SARDH: variants seen among roughly 807,000 people sequenced by gnomAD.
SARDH encodes sarcosine dehydrogenase.
A neutral mutation model predicts 109.1 loss-of-function variants in SARDH; 95 were observed. The observed-to-expected ratio is 0.87, with a 90% CI of 0.74 to 1.03. The LOEUF is 1.03. SARDH is among the 50% of genes least tolerant of loss of function. The pLI is 0.00. For missense variants in SARDH, 1,267 were observed against 1,287.8 expected (o/e 0.98, Z 0.25); for synonymous variants, 572 against 534.8 (o/e 1.07, Z -0.96).
chr9:133,712,717 G>A lies in SARDH; in HGVS notation c.1238-8C>T, dbSNP rs778668029. On this transcript the variant is annotated splice_polypyrimidine_tract_variant and splice_region_variant and intron_variant, in intron 9 of 20. Transcript: ENST00000439388. The surrounding 1 kb of genome is among the most constrained non-coding windows in gnomAD (Gnocchi z 4.1). ...CACCACCCAGCATCATTCCTGGCAGGAAGAGAAGCGCAGGGCTGCGGTCTG... is the reference window on the plus strand; with the variant it reads ...CACCACCCAGCATCATTCCTGGCAGAAAGAGAAGCGCAGGGCTGCGGTCTG... 3.7e-6 allele frequency: 6 copies of A among 1,606,548 alleles called. No individual in the cohort carries two copies. The highest frequency in any genetic ancestry group is 3.3e-5 in the Admixed American group (2 of 60,000).
chr9:133,732,452 G>T lies in SARDH; in HGVS notation c.481C>A (p.Arg161Ser). The change falls in exon 3 of 21, where the codon CGC becomes AGC. Residue 161 changes from arginine (R) to serine (S), a missense_variant. Transcript: ENST00000439388. ...ATGAGCCTCTTGTACTCGTCCAGGC[G>T]CTGCCGGTTGGACGCGATGAAGAGG... is the stretch of plus-strand genomic sequence containing the variant. ...GGLFIASNRQ[R>S]LDEYKRLMSL... 6.3e-7 allele frequency: 1 copy of T among 1,589,796 alleles called. No individual in the cohort carries two copies. The highest frequency in any genetic ancestry group is 1.7e-5 in the Admixed American group (1 of 59,034).
chr9:133,680,023 G>A (rs1387437524), intron 17 of SARDH, among the ~76,000 whole-genome samples: 1 of 152,170 alleles, frequency 6.6e-6, no homozygotes, highest in African/African-American at 2.4e-5. Context: ...TCAGGCCCAC[G>A]CTCCAGCCCA....
intron 10 of SARDH, among the ~76,000 whole-genome samples, chr9:133,711,505 A>G (rs930605491): frequency 6.6e-6 from 1 of 152,196 alleles, no homozygotes; most frequent in Non-Finnish European, 1.5e-5. Flanking sequence ...GCGCAGGCCC[A>G]GACGGGCTCT....
intron 17 of SARDH, among the ~76,000 whole-genome samples, chr9:133,683,888 T>C (rs1830787228): frequency 6.6e-6 from 1 of 152,114 alleles, no homozygotes; most frequent in Non-Finnish European, 1.5e-5. Flanking sequence ...AACGCGGCCG[T>C]GCACCCGCCC....
chr9:133,690,400 G>A lies in SARDH; in HGVS notation c.2049C>T (p.Ile683=), dbSNP rs748781646. 42 of 1,613,032 alleles carry A rather than the reference G, an allele frequency of 2.6e-5. No homozygotes were observed. In the Middle Eastern group the frequency reaches 2.0e-3, roughly 77 times the overall value. The change falls in exon 16 of 21, where the codon ATC becomes ATT. Residue 683 remains isoleucine, a synonymous_variant. Coordinates refer to ENST00000439388, the MANE Select transcript of SARDH (RefSeq NM_001134707.2). ...LIDSSEDLGM[I]SIQGPASRAI... ...CTCACCTGGCTGGGCCCTGGATACTGATCATACCCAGGTCCTCGGAGCTGT... is the reference window on the plus strand; with the variant it reads ...CTCACCTGGCTGGGCCCTGGATACTAATCATACCCAGGTCCTCGGAGCTGT...
intron 19 of SARDH, among the ~76,000 whole-genome samples, chr9:133,670,008 C>A (rs573788456): frequency 6.6e-6 from 1 of 152,228 alleles, no homozygotes; most frequent in Non-Finnish European, 1.5e-5. Context: ...CTGGGAGGGG[C>A]CCCAGGTGCG....
rs956027099 is a variant in SARDH at position 133,704,107 on chromosome 9, T to C, written c.1554+841A>G. Among the ~76,000 whole-genome samples, 1 of 152,086 alleles carries C rather than the reference T, an allele frequency of 6.6e-6. No homozygotes were observed. Among genetic ancestry groups the C allele is most frequent in the Non-Finnish European group, 1.5e-5 (1 of 68,004 alleles). On this transcript the variant is annotated intron_variant, in intron 12 of 20. Coordinates refer to ENST00000439388, the MANE Select transcript of SARDH (RefSeq NM_001134707.2). This position sits in a 1 kb window ranked among gnomAD's most constrained non-coding sequence, Gnocchi z 4.5. ...AGGGTTCATGAGGACGGCATGTCCC[T>C]AGGGGCCAGCAGGAGAAGAGACGAT...
At position 133,713,037 on chromosome 9, in the gene SARDH, C is replaced by T. The variant is rs753849130; in HGVS notation, c.1237+1G>A. ...CCAGGAGGGCTGCTGCCCGGACTCA[C>T]CTGCGCTGTTGAAGCCACAGCCCAG... On this transcript the variant is annotated splice_donor_variant, in intron 9 of 20. Transcript: ENST00000439388. LOFTEE classifies it high-confidence loss of function. 1.2e-6 allele frequency: 2 copies of T among 1,610,148 alleles called. No homozygotes were observed. The highest frequency in any genetic ancestry group is 1.7e-6 in the Non-Finnish European group (2 of 1,178,872).
At chr9:133,672,048 C>G (rs2519122) in intron 17 of SARDH, among the ~76,000 whole-genome samples, 82,604 of 152,068 alleles carry the variant, frequency 0.54, 23,059 homozygotes, top group East Asian at 0.79. Flanking sequence ...CTCGGTTCTG[C>G]AGGCTCAAAA....
chr9:133,676,260 C>T (rs1830507729), intron 17 of SARDH, among the ~76,000 whole-genome samples: 2 of 152,148 alleles, frequency 1.3e-5, no homozygotes, highest in African/African-American at 4.8e-5. Flanking sequence ...GAGCCAGTCA[C>T]AGAAGGACAA....
intron 16 of SARDH, 64 bp from the exon 17 acceptor site, chr9:133,685,350 G>C: frequency 9.5e-5 from 130 of 1,371,404 alleles, no homozygotes; most frequent in Middle Eastern, 4.4e-4. Context: ...GGCAGGAAAG[G>C]CCCCGGGGAC....
chr9:133,726,200 C>A (rs1292226931), intron 6 of SARDH, among the ~76,000 whole-genome samples: 2 of 151,650 alleles, frequency 1.3e-5, no homozygotes, highest in African/African-American at 4.9e-5. Context: ...AAAACCCCAT[C>A]TCTATAAAAA....
chr9:133,729,351 G>A (rs1832595189), intron 6 of SARDH, among the ~76,000 whole-genome samples: 1 of 152,110 alleles, frequency 6.6e-6, no homozygotes, highest in African/African-American at 2.4e-5. Context: ...AGGCTCTCAG[G>A]GAGGTTATTC....
chr9:133,722,195 G>A (rs960624493), intron 6 of SARDH, among the ~76,000 whole-genome samples: 11 of 152,146 alleles, frequency 7.2e-5, no homozygotes, highest in African/African-American at 2.7e-4. Flanking sequence ...TATAATGTAT[G>A]AAAACCAATC....
At chr9:133,683,903 C>T (rs963869278) in intron 17 of SARDH, among the ~76,000 whole-genome samples, 4 of 152,358 alleles carry the variant, frequency 2.6e-5, no homozygotes, top group African/African-American at 9.6e-5. Context: ...CCGCCCACCC[C>T]CTCCTGAAGG....
intron 6 of SARDH, among the ~76,000 whole-genome samples, chr9:133,719,850 A>T (rs1422833400): frequency 6.6e-6 from 1 of 152,064 alleles, no homozygotes; most frequent in East Asian, 1.9e-4. Context: ...GGTGGCTCAC[A>T]CCTGTAATCC....
chr9:133,685,548 C>T (rs2519126), intron 16 of SARDH, among the ~76,000 whole-genome samples: 47,190 of 152,144 alleles, frequency 0.31, 7,700 homozygotes, highest in East Asian at 0.41. Flanking sequence ...ACGGGACTCG[C>T]GATTCTTAGA....
chr9:133,736,629 C>T (rs1588464692), intron 1 of SARDH, among the ~76,000 whole-genome samples: 2 of 152,206 alleles, frequency 1.3e-5, no homozygotes, highest in East Asian at 1.9e-4. Context: ...CTCCTGACCT[C>T]AGGTGATCCG....
chr9:133,719,172 C>T (rs1345498672), intron 6 of SARDH, 130 bp from the exon 7 acceptor site: 2 of 706,738 alleles, frequency 2.8e-6, no homozygotes, highest in Non-Finnish European at 4.9e-6. Flanking sequence ...GTTGTAGGAC[C>T]CCGAGGACAG....
Sources: allele counts gnomAD v4.1 joint callset (sites outside exome capture counted in the v4.1 genomes callset), GRCh38; gene constraint gnomAD v4.1.1; non-coding constraint Gnocchi (gnomAD v3.1); transcripts MANE v1.5; gene names NCBI Gene and HGNC (gene_info 2026-07-23, HGNC 2026-07-21).